The following PAK1 variants were observed in gnomAD, a reference collection of about 807,000 sequenced individuals.
The protein encoded by PAK1 is serine/threonine-protein kinase PAK 1.
A neutral mutation model predicts 67.4 loss-of-function variants in PAK1; 29 were observed. The observed-to-expected ratio is 0.43, with a 90% CI of 0.32 to 0.59. The LOEUF is 0.59. PAK1 is among the 20% of genes least tolerant of loss of function. PAK1 has a pLI of 0.07. For synonymous variants in PAK1, 223 were observed against 237.4 expected, an observed-to-expected ratio of 0.94 and a Z score of 0.56; for missense variants, 337 against 670.7, an observed-to-expected ratio of 0.50 and a Z score of 5.50.
chr11:77,414,404 G>C (rs995365795), intron 1 of PAK1, among the ~76,000 whole-genome samples: 4 of 152,200 alleles, frequency 2.6e-5, no homozygotes, highest in Non-Finnish European at 5.9e-5. Context: ...AAATATACTA[G>C]AGTCCCAGCA....
At chr11:77,415,649 T>C (rs1036723823) in intron 1 of PAK1, among the ~76,000 whole-genome samples, 2 of 152,128 alleles carry the variant, frequency 1.3e-5, no homozygotes, top group African/African-American at 4.8e-5. Flanking sequence ...AAAGGGCATT[T>C]ACCATGAATG....
intron 4 of PAK1, 126 bp from the exon 5 acceptor site, chr11:77,374,491 A>G: frequency 1.5e-6 from 1 of 673,870 alleles, no homozygotes. Flanking sequence ...TATGACTGGT[A>G]CTACAGGCTA....
At chr11:77,323,885 T>C (rs1399358440) in intron 14 of PAK1, among the ~76,000 whole-genome samples, 2 of 152,200 alleles carry the variant, frequency 1.3e-5, no homozygotes, top group African/African-American at 4.8e-5. Flanking sequence ...ACCATGGTGA[T>C]AATCAGAATA....
the PAK1 span, among the ~76,000 whole-genome samples, chr11:77,493,489 C>T: frequency 9.4e-3 from 1,128 of 120,244 alleles, 22 homozygotes; most frequent in African/African-American, 0.034. Context: ...GAGACGGTTT[C>T]GCCATGTTGG....
chr11:77,466,532 G>A (rs1259393208), intron 1 of PAK1, among the ~76,000 whole-genome samples: 1 of 152,056 alleles, frequency 6.6e-6, no homozygotes, highest in African/African-American at 2.4e-5. Context: ...GAACCCGGGA[G>A]GCAGAGCTTG....
chr11:77,392,767 C>A (rs1222808362), intron 1 of PAK1, among the ~76,000 whole-genome samples: 1 of 152,184 alleles, frequency 6.6e-6, no homozygotes, highest in African/African-American at 2.4e-5. Flanking sequence ...TTTGCATTCC[C>A]ATTCTGAGAC....
At chr11:77,472,643 T>C (rs943343296) in intron 1 of PAK1, among the ~76,000 whole-genome samples, 1 of 152,236 alleles carries the variant, frequency 6.6e-6, no homozygotes, top group Non-Finnish European at 1.5e-5. Context: ...TGATAATTCC[T>C]ACTTTCTCCT....
At chr11:77,330,003 G>A (rs1041085204) in intron 14 of PAK1, among the ~76,000 whole-genome samples, 1 of 151,894 alleles carries the variant, frequency 6.6e-6, no homozygotes, top group Non-Finnish European at 1.5e-5. Flanking sequence ...GACAAACAGA[G>A]AGCCAAATCA....
At chr11:77,354,531 G>A (rs1945738428) in intron 7 of PAK1, among the ~76,000 whole-genome samples, 2 of 152,128 alleles carry the variant, frequency 1.3e-5, no homozygotes, top group South Asian at 4.1e-4. Context: ...CCCAGGCCAA[G>A]TCTTAATTCT....
chr11:77,436,607 TATAGG>T (rs1380262466), intron 1 of PAK1, among the ~76,000 whole-genome samples: 1 of 152,194 alleles, frequency 6.6e-6, no homozygotes, highest in Non-Finnish European at 1.5e-5. Context: ...TTATGTAACT[TATAGG>T]ATAGAACACT....
rs116334305 is a variant in PAK1, at chr11:77,407,713, A to G, written c.-21-15172T>C. On this transcript the variant is annotated intron_variant, in intron 1 of 14. Transcript: ENST00000356341. ...CTGCATCTGGTCTCTGGACTCTGCA[A>G]CCCGCCAGAAATTGAATTTAAGTAA... Among the ~76,000 whole-genome samples, 1,125 of 152,314 alleles carry G rather than the reference A, an allele frequency of 7.4e-3. 27 individuals carry two copies. Among genetic ancestry groups the G allele is most frequent in the African/African-American group, 0.026 (1,075 of 41,568 alleles).
chr11:77,490,312 C>T, the PAK1 span, among the ~76,000 whole-genome samples: 1 of 149,128 alleles, frequency 6.7e-6, no homozygotes. Context: ...GGCCAGCCGC[C>T]CCGTCCGGGA....
chr11:77,505,067 T>A, the PAK1 span, among the ~76,000 whole-genome samples: 1 of 152,248 alleles, frequency 6.6e-6, no homozygotes, highest in Admixed American at 6.5e-5. Flanking sequence ...TTTTTAAAAT[T>A]TATTTTTTAT....
chr11:77,419,036 G>C (rs182750065), intron 1 of PAK1, among the ~76,000 whole-genome samples: 26 of 152,306 alleles, frequency 1.7e-4, no homozygotes, highest in Middle Eastern at 3.4e-3. Context: ...CCAAACGCTG[G>C]TTTGGTTACC....
the PAK1 span, among the ~76,000 whole-genome samples, chr11:77,528,913 A>G: frequency 6.6e-6 from 1 of 152,232 alleles, no homozygotes. Context: ...CTACTACATC[A>G]TATCAGGAGG....
the PAK1 span, among the ~76,000 whole-genome samples, chr11:77,519,626 T>TG: frequency 4.6e-5 from 7 of 152,334 alleles, no homozygotes; most frequent in African/African-American, 1.7e-4. Context: ...TGCAAAATGC[T>TG]GGTTTTTTTT....
the PAK1 span, among the ~76,000 whole-genome samples, chr11:77,485,620 C>A: frequency 2.6e-5 from 4 of 152,116 alleles, no homozygotes; most frequent in Non-Finnish European, 5.9e-5. Flanking sequence ...AGATTACAGG[C>A]GTCTGCCACC....
chr11:77,420,881 T>C (rs1348162160), intron 1 of PAK1, among the ~76,000 whole-genome samples: 1 of 152,210 alleles, frequency 6.6e-6, no homozygotes, highest in Non-Finnish European at 1.5e-5. Flanking sequence ...CTAGAATGCA[T>C]AGTATAGCCC....
chr11:77,490,295 C>CCCCCCCGG, the PAK1 span, among the ~76,000 whole-genome samples: 120 of 148,014 alleles, frequency 8.1e-4, 5 homozygotes, highest in African/African-American at 2.6e-3. Context: ...GGTCAGCCCC[C>CCCCCCCGG]CCACCCGGCC....
Sources: gnomAD v4.1 joint callset for allele counts (sites outside exome capture counted in the v4.1 genomes callset) on GRCh38, gnomAD v4.1.1 for gene constraint, MANE v1.5 for transcripts, NCBI Gene and HGNC (gene_info 2026-07-23, HGNC 2026-07-21) for gene names.